Variants in NIN observed in about 807,000 individuals in gnomAD.
NIN encodes the protein glycogen synthase kinase 3 beta-interacting protein.
NIN carries 137 observed loss-of-function variants against 257.6 expected under a neutral mutation model. The ratio of observed to expected loss-of-function variants is 0.53; its 90% CI spans 0.46 to 0.61. The LOEUF (loss-of-function observed/expected upper bound fraction) is 0.61, where lower values mean the gene tolerates loss of function less well. Among genes scored for constraint, NIN ranks in the 20% least tolerant of loss-of-function variants. The probability of loss-of-function intolerance (pLI) is 0.00; values close to 1 mark genes in which losing one functional copy is unlikely to be tolerated. For synonymous variants in NIN, 918 were observed against 919.8 expected, an observed-to-expected ratio of 1.00 and a Z score of 0.04; for missense variants, 2,439 against 2,501.2, an observed-to-expected ratio of 0.98 and a Z score of 0.53.
chr14:50,806,796 T>C lies in NIN; in HGVS notation c.206A>G (p.Glu69Gly), dbSNP rs1452423162. Reference sequence around the variant, plus strand: ...TCTGGACAAGATGAGTATTAATGCTTCTTTAAATTGGTCAAAATGTACCTA... The same window carrying C: ...TCTGGACAAGATGAGTATTAATGCTCCTTTAAATTGGTCAAAATGTACCTA... ...LGRVHFDQFK[E>G]ALILILSRTL... The change falls in exon 4 of 31, where the codon GAA (glutamate) becomes GGA (glycine). Residue 69 changes from glutamate to glycine, a missense_variant. By Grantham distance (98) the Glu-to-Gly change is moderately conservative. Around this residue, in one of 3 missense-constraint regions of NIN, gnomAD observed 387 missense variants for 427.3 expected, o/e 0.91. Coordinates refer to ENST00000530997, the MANE Select transcript of NIN (RefSeq NM_020921.4). The C allele has an allele frequency of 4.5e-6, 7 of 1,560,296 alleles. No individual in the cohort carries two copies. The highest frequency in any genetic ancestry group is 6.2e-6 in the Non-Finnish European group (7 of 1,135,218).
In NIN at chr14:50,770,912, A is replaced by G. The variant is rs1250316557; in HGVS notation, c.1199T>C (p.Met400Thr). 6.2e-7 allele frequency: 1 copy of G among 1,614,196 alleles called. No individual in the cohort carries two copies. The highest frequency in any genetic ancestry group is 1.7e-5 in the Admixed American group (1 of 60,030). ...LDKAEKLKSL[M>T]ASEVDDHHAA... ...ATGGTGATCATCCACCTCCGAGGCC[A>G]TTAAAGACTTGAGCTTCTCGGCCTT... Residue 400 changes from methionine to threonine, a missense_variant, in exon 11 of 31, where the codon ATG becomes ACG. By Grantham distance (81) the Met-to-Thr change is moderately conservative (BLOSUM62 -1). Around this residue, in one of 3 missense-constraint regions of NIN, gnomAD observed 2,043 missense variants for 2,050.2 expected, o/e 1.00. Transcript: ENST00000530997.
intron 8 of NIN, 68 bp downstream of exon 8, chr14:50,772,881 T>A: frequency 7.6e-7 from 1 of 1,322,632 alleles, no homozygotes; most frequent in Non-Finnish European, 1.1e-6. Flanking sequence ...ACAGATTAAT[T>A]TATTAGACAT....
chr14:50,770,526 G>A lies in NIN; in HGVS notation c.1296C>T (p.Ala432=), dbSNP rs374853798. The A allele has an allele frequency of 1.4e-5, 22 of 1,614,034 alleles. No individual in the cohort carries two copies. The African/African-American group carries it at 1.5e-4, about 11-fold the overall frequency. ...TCTCTTTTCGGAGTTCATTTTTTAA[G>A]GCTGCTATTCGCTCCTTGTACTCTT... ...LDEEYKERIA[A]LKNELRKERE... is the part of the protein sequence containing the mutation. The change falls in exon 12 of 31, where the codon GCC becomes GCT. Residue 432 remains alanine (A), a synonymous_variant. Transcript: ENST00000530997.
At chr14:50,828,985 C>A (rs1278721498) in intron 2 of NIN, among the ~76,000 whole-genome samples, 1 of 152,210 alleles carries the variant, frequency 6.6e-6, no homozygotes. Flanking sequence ...ATGATGGCTT[C>A]CTCTCTATTG....
chr14:50,822,009 C>G lies in NIN; in HGVS notation c.48G>C (p.Leu16=). 6.2e-7 allele frequency: 1 copy of G among 1,614,158 alleles called. No individual in the cohort carries two copies. Among genetic ancestry groups the G allele is most frequent in the Non-Finnish European group, 8.5e-7 (1 of 1,180,006 alleles). The change falls in exon 3 of 31, where the codon CTG becomes CTC. Residue 16 remains leucine, a synonymous_variant. Coordinates refer to ENST00000530997, the MANE Select transcript of NIN (RefSeq NM_020921.4). ...TGCCCGTCGTGTCAAAACTGTCAAACAGCTCCTTGAGTCGGGCCTCATGCT... is the reference window on the plus strand; with the variant it reads ...TGCCCGTCGTGTCAAAACTGTCAAAGAGCTCCTTGAGTCGGGCCTCATGCT... ...QDQHEARLKE[L]FDSFDTTGTG...
At chr14:50,824,740 G>C (rs1336349387) in intron 2 of NIN, among the ~76,000 whole-genome samples, 2 of 152,144 alleles carry the variant, frequency 1.3e-5, no homozygotes, top group East Asian at 3.9e-4. Context: ...ATCACTCCTT[G>C]AGAGGAAACG....
At chr14:50,736,385 C>G (rs1334541819) in intron 27 of NIN, among the ~76,000 whole-genome samples, 1 of 152,078 alleles carries the variant, frequency 6.6e-6, no homozygotes, top group Non-Finnish European at 1.5e-5. Context: ...GATCTGCCCA[C>G]CTCGGCCTCC....
At chr14:50,808,713 G>T (rs1319348170) in intron 3 of NIN, among the ~76,000 whole-genome samples, 1 of 152,196 alleles carries the variant, frequency 6.6e-6, no homozygotes, top group Non-Finnish European at 1.5e-5. Context: ...CATAGTCTCA[G>T]GAAATGTCAC....
At chr14:50,740,526 T>C (rs1349003696) in intron 25 of NIN, among the ~76,000 whole-genome samples, 1 of 152,112 alleles carries the variant, frequency 6.6e-6, no homozygotes, top group African/African-American at 2.4e-5. Context: ...TTTTTTTTAT[T>C]TTTAGTAGAG....
At chr14:50,729,829 C>G in intron 28 of NIN, 106 bp from the exon 29 acceptor site, 1 of 804,246 alleles carries the variant, frequency 1.2e-6, no homozygotes, top group Non-Finnish European at 1.9e-6. Flanking sequence ...TCATTAATAA[C>G]CCCAGACCCA....
At chr14:50,767,884 A>T (rs1395630264) in intron 12 of NIN, among the ~76,000 whole-genome samples, 3 of 151,944 alleles carry the variant, frequency 2.0e-5, no homozygotes, top group Non-Finnish European at 4.4e-5. Flanking sequence ...GTTTATATTT[A>T]ATTTATAAAT....
chr14:50,746,768 T>G lies in NIN; in HGVS notation c.5064+1224A>C, dbSNP rs546090811. On this transcript the variant is annotated intron_variant, in intron 22 of 30. Coordinates refer to ENST00000530997, the MANE Select transcript of NIN (RefSeq NM_020921.4). ...AGGACAATGTTTAGGATGCAAATTG[T>G]TTTTTTCCAACAATGCATTTCTCCA... Among the ~76,000 whole-genome samples the G allele has an allele frequency of 1.1e-3, 170 of 149,922 alleles. 1 individual carries two copies. The South Asian group carries it at 0.033, about 29-fold the overall frequency.
chr14:50,830,776 G>A (rs2045672948), intron 1 of NIN: 1 of 99,960 alleles, frequency 1.0e-5, no homozygotes, highest in African/African-American at 3.6e-5. Flanking sequence ...CCCTCCTCCC[G>A]CCTCCGAAGC....
intron 3 of NIN, among the ~76,000 whole-genome samples, chr14:50,813,691 G>A (rs965435465): frequency 2.0e-5 from 3 of 152,188 alleles, no homozygotes; most frequent in Non-Finnish European, 2.9e-5. Context: ...AACTCATCTC[G>A]TGCAATCATG....
chr14:50,737,422 C>A (rs2041033474), intron 27 of NIN, among the ~76,000 whole-genome samples: 1 of 146,172 alleles, frequency 6.8e-6, no homozygotes, highest in African/African-American at 2.6e-5. Flanking sequence ...TGAGTTGGAC[C>A]ACCCAGCTAA....
At chr14:50,818,393 C>T (rs1462994477) in intron 3 of NIN, among the ~76,000 whole-genome samples, 1 of 151,200 alleles carries the variant, frequency 6.6e-6, no homozygotes, top group Admixed American at 6.6e-5. Flanking sequence ...TCTTCATGTC[C>T]TGATTTCTAA....
Position 50,772,285 on chromosome 14 carries a change from A to G in NIN, c.981+16T>C, listed in dbSNP as rs372223459. ...CTTCTCCAGTTTGTCATTTTTCTCA[A>G]TTTTAGCTGCCACACCTTCAGGATC... On this transcript the variant is annotated intron_variant, in intron 9 of 30. Transcript: ENST00000530997. 23 of 1,569,734 alleles carry G rather than the reference A, an allele frequency of 1.5e-5. No homozygotes were observed. Among genetic ancestry groups the G allele is most frequent in the South Asian group, 1.3e-4 (11 of 87,198 alleles).
intron 4 of NIN, among the ~76,000 whole-genome samples, chr14:50,794,193 T>C (rs2043732241): frequency 1.3e-5 from 2 of 152,242 alleles, no homozygotes; most frequent in African/African-American, 4.8e-5. Flanking sequence ...CCCCGCCATG[T>C]CCTTCCCTCT....
chr14:50,758,682 C>A, intron 17 of NIN, 52 bp from the exon 18 acceptor site: 1 of 1,490,084 alleles, frequency 6.7e-7, no homozygotes, highest in African/African-American at 1.4e-5. Flanking sequence ...ACTCCAGAAG[C>A]AAACAAAAAC....
Sources: allele counts gnomAD v4.1 joint callset (sites outside exome capture counted in the v4.1 genomes callset), GRCh38; gene constraint gnomAD v4.1.1; regional missense constraint gnomAD v4.1.1; transcripts MANE v1.5; gene names NCBI Gene and HGNC (gene_info 2026-07-23, HGNC 2026-07-21).